TRPM4: variants seen among roughly 807,000 people sequenced by gnomAD.
TRPM4 encodes transient receptor potential cation channel subfamily M member 4, also known as calcium-activated non-selective cation channel 1.
In TRPM4, 124 loss-of-function variants were observed where a neutral mutation model predicts 135.6. That is an observed-to-expected ratio of 0.91 (90% confidence interval 0.79 to 1.06). The LOEUF is 1.06. Among genes scored for constraint, TRPM4 ranks in the 50% least tolerant of loss-of-function variants. The probability of loss-of-function intolerance (pLI) is 0.00; values close to 1 mark genes in which losing one functional copy is unlikely to be tolerated. For missense variants in TRPM4, 1,658 were observed against 1,671.4 expected, an observed-to-expected ratio of 0.99 and a Z score of 0.14; for synonymous variants, 745 against 705.6, an observed-to-expected ratio of 1.06 and a Z score of -0.88.
chr19:49,188,761 A>C lies in TRPM4; in HGVS notation c.1864A>C (p.Met622Leu). 1 of 1,614,096 alleles carries C rather than the reference A, an allele frequency of 6.2e-7. No homozygotes were observed. The highest frequency in any genetic ancestry group is 1.1e-5 in the South Asian group (1 of 91,082). The change falls in exon 13 of 25, where the codon ATG becomes CTG. Residue 622 changes from methionine to leucine, a missense_variant. Met to Leu is a conservative substitution (Grantham distance 15). Coordinates refer to ENST00000252826, the MANE Select transcript of TRPM4 (RefSeq NM_017636.4). Reference protein sequence around the residue: ...RKDLAFKFEGMGVDLFGECYR... With the variant: ...RKDLAFKFEGLGVDLFGECYR... ...AGACCTGGCGTTCAAGTTTGAGGGG[A>C]TGGGCGTTGGTGCGTGGGGCACGGT...
At chr19:49,200,468 T>TA (rs1251527969) in intron 18 of TRPM4, 36 bp downstream of exon 18, 12 of 1,573,950 alleles carry the variant, frequency 7.6e-6, no homozygotes, top group Non-Finnish European at 1.0e-5. Flanking sequence ...GGCGGGGACA[T>TA]AGGGAAAGGG....
At chr19:49,168,514 C>G in intron 5 of TRPM4, 39 bp from the exon 6 acceptor site, 1 of 1,613,674 alleles carries the variant, frequency 6.2e-7, no homozygotes, top group Non-Finnish European at 8.5e-7. Context: ...CTTCTGGCCC[C>G]GATGAGGAGA....
chr19:49,199,770 A>G (rs1190163406), intron 17 of TRPM4, among the ~76,000 whole-genome samples: 1 of 152,032 alleles, frequency 6.6e-6, no homozygotes, highest in Middle Eastern at 3.2e-3. Context: ...AAGTGCTGGG[A>G]TTACAGGCGT....
At position 49,168,173 on chromosome 19, in the gene TRPM4, C is replaced by G. The variant is rs546392777; in HGVS notation, c.448+76C>G. The G allele has an allele frequency of 3.0e-5, 48 of 1,583,026 alleles. 1 individual carries two copies. The African/African-American group carries it at 5.8e-4, about 19-fold the overall frequency. On this transcript the variant is annotated intron_variant, in intron 4 of 24. Coordinates refer to ENST00000252826, the MANE Select transcript of TRPM4 (RefSeq NM_017636.4). Reference sequence around the variant, plus strand: ...TCTCCCCCACGACTGTGGGTGGCCTCCCCCGCCGCCCAGTGTGTGTGTGTG... The same window carrying G: ...TCTCCCCCACGACTGTGGGTGGCCTGCCCCGCCGCCCAGTGTGTGTGTGTG...
chr19:49,210,222 A>C lies in TRPM4; in HGVS notation c.3145A>C (p.Lys1049Gln). The C allele has an allele frequency of 6.2e-7, 1 of 1,614,232 alleles. No homozygotes were observed. Among genetic ancestry groups the C allele is most frequent in the Non-Finnish European group, 8.5e-7 (1 of 1,180,040 alleles). ...LIAMFSYTFG[K>Q]VQGNSDLYWK... ...TGGCCTTTGCAGTTACACATTCGGC[A>C]AAGTACAGGGCAACAGCGATCTCTA... The change falls in exon 21 of 25, where the codon AAA becomes CAA. Residue 1049 changes from lysine (K) to glutamine (Q), a missense_variant. Physicochemically the swap from Lys to Gln is moderately conservative, Grantham distance 53. This residue lies in a region of TRPM4 where 1,412 missense variants were observed against 1,408.7 expected (regional missense o/e 1.00). Coordinates refer to ENST00000252826, the MANE Select transcript of TRPM4 (RefSeq NM_017636.4). This position sits in a 1 kb window ranked among gnomAD's most constrained non-coding sequence, Gnocchi z 4.1.
intron 2 of TRPM4, 83 bp from the exon 3 acceptor site, chr19:49,165,958 C>T: frequency 1.4e-6 from 2 of 1,390,416 alleles, no homozygotes; most frequent in South Asian, 1.3e-5. Context: ...TCGACAGCCC[C>T]CTCTACAGGA....
intron 19 of TRPM4, 123 bp downstream of exon 19, chr19:49,200,908 A>T: frequency 9.2e-7 from 1 of 1,085,154 alleles, no homozygotes; most frequent in Non-Finnish European, 1.3e-6. Flanking sequence ...CTTTCTCTGG[A>T]TCTCTGAGTG....
At chr19:49,176,165 C>T (rs1201870641) in intron 9 of TRPM4, among the ~76,000 whole-genome samples, 1 of 151,752 alleles carries the variant, frequency 6.6e-6, no homozygotes, top group Non-Finnish European at 1.5e-5. Flanking sequence ...CTCAGGTGAT[C>T]CACCCGCCTC....
At chr19:49,202,426 C>T (rs1968971000) in intron 20 of TRPM4, among the ~76,000 whole-genome samples, 2 of 152,070 alleles carry the variant, frequency 1.3e-5, no homozygotes, top group Admixed American at 1.3e-4. Flanking sequence ...TTACTGCAGC[C>T]TCGACCTCCT....
At chr19:49,182,158 GTCCA>G (rs1967971800) in intron 10 of TRPM4, among the ~76,000 whole-genome samples, 1 of 52,102 alleles carries the variant, frequency 1.9e-5, no homozygotes, top group African/African-American at 8.9e-5. Flanking sequence ...CCATTCATCT[GTCCA>G]TCCATCCATC....
intron 9 of TRPM4, among the ~76,000 whole-genome samples, chr19:49,178,869 C>CT (rs1967806165): frequency 6.6e-6 from 1 of 151,780 alleles, no homozygotes; most frequent in Admixed American, 6.6e-5. Flanking sequence ...TGCCATCCTC[C>CT]TGCCTCAGCC....
intron 3 of TRPM4, 28 bp downstream of exon 3, chr19:49,166,243 C>T (rs752837823): frequency 3.8e-5 from 59 of 1,568,728 alleles, no homozygotes; most frequent in South Asian, 2.6e-4. Flanking sequence ...GGGCGGGGCC[C>T]GGGCACCAGG....
In TRPM4 at chr19:49,169,816, C is replaced by G. The variant is rs143878719; in HGVS notation, c.796+1080C>G. Among the ~76,000 whole-genome samples, 407 of 152,256 alleles carry G rather than the reference C, an allele frequency of 2.7e-3. 4 individuals are homozygous for G. The highest frequency in any genetic ancestry group is 8.6e-3 in the African/African-American group (358 of 41,540). ...AAAGTGGTCCACCTGCCTCAGCCTC[C>G]CAAAGTGCTGGGATTACGGTCGTGA... On this transcript the variant is annotated intron_variant, in intron 6 of 24. Transcript: ENST00000252826.
At chr19:49,195,596 C>T (rs1012955195) in intron 16 of TRPM4, among the ~76,000 whole-genome samples, 1 of 151,994 alleles carries the variant, frequency 6.6e-6, no homozygotes, top group African/African-American at 2.4e-5. Context: ...TCTCGAACTC[C>T]CGACCTCAGC....
intron 20 of TRPM4, among the ~76,000 whole-genome samples, chr19:49,202,881 CTTTTTTTTTTTT>C (rs752188238): frequency 9.1e-6 from 1 of 109,646 alleles, no homozygotes; most frequent in African/African-American, 3.8e-5. Flanking sequence ...ATTTTTACTT[CTTTTTTTTTTTT>C]TTTTTTTTTG....
chr19:49,162,103 G>A (rs1274664988), intron 2 of TRPM4, among the ~76,000 whole-genome samples: 2 of 152,178 alleles, frequency 1.3e-5, no homozygotes, highest in East Asian at 3.8e-4. Context: ...AGGCCAGAGG[G>A]GCAGGGGTAT....
intron 12 of TRPM4, among the ~76,000 whole-genome samples, chr19:49,184,167 T>C (rs1343538202): frequency 6.6e-6 from 1 of 152,128 alleles, no homozygotes; most frequent in Non-Finnish European, 1.5e-5. Flanking sequence ...AAATATTATT[T>C]CTTTCCCTTT....
chr19:49,199,040 A>G (rs1451715669), intron 17 of TRPM4, among the ~76,000 whole-genome samples: 1 of 152,152 alleles, frequency 6.6e-6, no homozygotes, highest in East Asian at 1.9e-4. Context: ...CATCAGGGTA[A>G]GAGAGTGCCC....
intron 12 of TRPM4, among the ~76,000 whole-genome samples, chr19:49,188,170 G>A (rs7255667): frequency 0.022 from 3,348 of 152,306 alleles, 137 homozygotes; most frequent in African/African-American, 0.077. Flanking sequence ...ACCATGAACA[G>A]AATTCCTTCC....
Sources: allele counts gnomAD v4.1 joint callset (sites outside exome capture counted in the v4.1 genomes callset), GRCh38; gene constraint gnomAD v4.1.1; regional missense constraint gnomAD v4.1.1; non-coding constraint Gnocchi (gnomAD v3.1); transcripts MANE v1.5; gene names NCBI Gene and HGNC (gene_info 2026-07-23, HGNC 2026-07-21).